CNTNAP2: variants seen among roughly 807,000 people sequenced by gnomAD.
The protein encoded by CNTNAP2 is contactin associated protein 2.
A neutral mutation model predicts 155.2 loss-of-function variants in CNTNAP2; 98 were observed. The observed-to-expected ratio is 0.63, with a 90% confidence interval of 0.54 to 0.75. The LOEUF is 0.75. CNTNAP2 is among the 30% of genes least tolerant of loss of function. The probability of loss-of-function intolerance (pLI) is 0.00; values close to 1 mark genes in which losing one functional copy is unlikely to be tolerated. For synonymous variants in CNTNAP2, 651 were observed against 631.2 expected (o/e 1.03, Z -0.47); for missense variants, 1,727 against 1,688.1 (o/e 1.02, Z -0.40).
chr7:147,517,392 C>T (rs1799146809), intron 11 of CNTNAP2, among the ~76,000 whole-genome samples: 1 of 152,124 alleles, frequency 6.6e-6, no homozygotes. Context: ...AATTTTTCAC[C>T]ATGTGCTAAA....
Position 146,604,859 on chromosome 7 carries a change from G to A in CNTNAP2, c.98-169412G>A, listed in dbSNP as rs7778375. Among the ~76,000 whole-genome samples the A allele has an allele frequency of 2.6e-3, 369 of 142,338 alleles. 10 individuals carry two copies. The highest frequency in any genetic ancestry group is 9.0e-3 in the African/African-American group (353 of 39,258). 93.4% of individuals were successfully genotyped at this position (142,338 alleles called of 152,430 possible). A position where few individuals can be genotyped will look rare whatever the true frequency, so the allele number is the denominator to read the frequency against. On this transcript the variant is annotated intron_variant, in intron 1 of 23. Coordinates refer to ENST00000361727, the MANE Select transcript of CNTNAP2 (RefSeq NM_014141.6). Reference sequence around the variant, plus strand: ...AAACACCTCATATTCTCACTCATAGGTGGGAATTGAACAATGAGATCACAT... The same window carrying A: ...AAACACCTCATATTCTCACTCATAGATGGGAATTGAACAATGAGATCACAT...
intron 1 of CNTNAP2, among the ~76,000 whole-genome samples, chr7:146,721,041 T>A (rs868619589): frequency 0.048 from 4,031 of 84,184 alleles, 419 homozygotes; most frequent in African/African-American, 0.39. Flanking sequence ...CTCTATATAT[T>A]CTATATATAT....
chr7:146,494,354 A>T (rs1986150), intron 1 of CNTNAP2, among the ~76,000 whole-genome samples: 69,784 of 148,424 alleles, frequency 0.47, 17,127 homozygotes, highest in Admixed American at 0.59. Context: ...TAAATAAATA[A>T]AAATAAATAA....
intron 1 of CNTNAP2, among the ~76,000 whole-genome samples, chr7:146,592,695 A>G (rs402278): frequency 0.83 from 126,160 of 152,118 alleles, 52,949 homozygotes; most frequent in African/African-American, 0.9. Context: ...AAAGACTGCA[A>G]TTTACCATTC....
chr7:146,212,114 A>G (rs1799043450), intron 1 of CNTNAP2, among the ~76,000 whole-genome samples: 1 of 152,200 alleles, frequency 6.6e-6, no homozygotes, highest in Non-Finnish European at 1.5e-5. Flanking sequence ...TCCAGGATAT[A>G]TAGTTTAATA....
chr7:148,156,163 G>T (rs1449495101), intron 17 of CNTNAP2, among the ~76,000 whole-genome samples: 1 of 152,214 alleles, frequency 6.6e-6, no homozygotes, highest in Non-Finnish European at 1.5e-5. Flanking sequence ...TTAACGAGAA[G>T]TTAATGCAAA....
At chr7:148,028,402 A>C (rs1231625765) in intron 15 of CNTNAP2, among the ~76,000 whole-genome samples, 2 of 152,088 alleles carry the variant, frequency 1.3e-5, no homozygotes, top group African/African-American at 4.8e-5. Context: ...ATATGGGAAA[A>C]ATCAGTTTAA....
intron 8 of CNTNAP2, among the ~76,000 whole-genome samples, chr7:147,290,231 A>G (rs1805273119): frequency 6.6e-6 from 1 of 152,204 alleles, no homozygotes; most frequent in Non-Finnish European, 1.5e-5. Context: ...CTCATGTTCA[A>G]CAGCATTATA....
intron 9 of CNTNAP2, among the ~76,000 whole-genome samples, chr7:147,355,762 C>G (rs558032635): frequency 1.3e-5 from 2 of 152,178 alleles, no homozygotes; most frequent in African/African-American, 4.8e-5. Flanking sequence ...CCTGAATAGA[C>G]CAATAACAAG....
At chr7:147,175,006 C>T (rs1019123084) in intron 8 of CNTNAP2, among the ~76,000 whole-genome samples, 16 of 152,080 alleles carry the variant, frequency 1.1e-4, no homozygotes, top group Non-Finnish European at 8.8e-5. Flanking sequence ...GGAAACATCT[C>T]AGGGATTATT....
At chr7:147,366,939 G>A (rs542127997) in intron 9 of CNTNAP2, among the ~76,000 whole-genome samples, 174 of 151,992 alleles carry the variant, frequency 1.1e-3, no homozygotes, top group Non-Finnish European at 2.1e-3. Flanking sequence ...TTTCTGGAGC[G>A]GACTGTATAT....
intron 1 of CNTNAP2, among the ~76,000 whole-genome samples, chr7:146,281,349 G>A (rs1384912512): frequency 6.6e-6 from 1 of 152,088 alleles, no homozygotes; most frequent in Admixed American, 6.5e-5. Context: ...TTTAAGCATC[G>A]GCAAGCTGAT....
At chr7:146,154,332 A>G (rs1053036753) in intron 1 of CNTNAP2, among the ~76,000 whole-genome samples, 1 of 152,168 alleles carries the variant, frequency 6.6e-6, no homozygotes. Context: ...AGTTTTATGC[A>G]AGACTTGCTA....
At chr7:147,301,826 A>C (rs1794951288) in intron 9 of CNTNAP2, among the ~76,000 whole-genome samples, 1 of 152,138 alleles carries the variant, frequency 6.6e-6, no homozygotes, top group East Asian at 1.9e-4. Context: ...TTGTCTAGAG[A>C]GGAAACAGAG....
intron 1 of CNTNAP2, among the ~76,000 whole-genome samples, chr7:146,618,634 A>G (rs2129155749): frequency 6.6e-6 from 1 of 152,334 alleles, no homozygotes; most frequent in East Asian, 1.9e-4. Context: ...TTTGTTTTAA[A>G]TTATAAGAGC....
chr7:147,825,696 A>G (rs568318035), intron 13 of CNTNAP2, among the ~76,000 whole-genome samples: 2 of 152,152 alleles, frequency 1.3e-5, no homozygotes, highest in Non-Finnish European at 2.9e-5. Context: ...AAAAGAGAAG[A>G]TATATATGTG....
rs1307842832 is a variant in CNTNAP2, at chr7:147,573,157, G to T, written c.1897+10900G>T. ...AAACTTTTCAGTGCCCCACATAAATGATTGCTGCATAAAAGTACTTGTCTC... is the reference window on the plus strand; with the variant it reads ...AAACTTTTCAGTGCCCCACATAAATTATTGCTGCATAAAAGTACTTGTCTC... On this transcript the variant is annotated intron_variant, in intron 12 of 23. Transcript: ENST00000361727. Among the ~76,000 whole-genome samples, 10 of 152,248 alleles carry T rather than the reference G, an allele frequency of 6.6e-5. No individual in the cohort carries two copies. The East Asian group carries it at 1.9e-3, about 29-fold the overall frequency.
chr7:146,490,185 T>A (rs1797117824), intron 1 of CNTNAP2, among the ~76,000 whole-genome samples: 1 of 152,236 alleles, frequency 6.6e-6, no homozygotes, highest in East Asian at 1.9e-4. Flanking sequence ...CAAGTTTCAA[T>A]AATCATTTGT....
intron 9 of CNTNAP2, among the ~76,000 whole-genome samples, chr7:147,341,762 A>G (rs1375372351): frequency 2.1e-5 from 2 of 95,760 alleles, no homozygotes; most frequent in Non-Finnish European, 4.4e-5. Context: ...ACACACACAC[A>G]TACACATACA....
Sources: allele counts gnomAD v4.1 joint callset (sites outside exome capture counted in the v4.1 genomes callset), GRCh38; gene constraint gnomAD v4.1.1; transcripts MANE v1.5; gene names NCBI Gene and HGNC (gene_info 2026-07-23, HGNC 2026-07-21).